SLC39A10: variants seen among roughly 807,000 people sequenced by gnomAD.
SLC39A10 encodes the protein solute carrier family 39 member 10, also known as zinc transporter ZIP10.
SLC39A10 carries 13 observed loss-of-function variants against 65.1 expected under a neutral mutation model. The ratio of observed to expected loss-of-function variants is 0.20; its 90% confidence interval spans 0.13 to 0.32. The LOEUF (loss-of-function observed/expected upper bound fraction) is 0.32, where lower values mean the gene tolerates loss of function less well. Among genes scored for constraint, SLC39A10 ranks in the 10% least tolerant of loss-of-function variants. The pLI, the probability that SLC39A10 is intolerant of heterozygous loss-of-function variation, is 1.00. For missense variants in SLC39A10, 831 were observed against 1,018.4 expected (o/e 0.82, Z 2.50); for synonymous variants, 321 against 342.2 (o/e 0.94, Z 0.68).
chr2:195,641,957 G>T (rs999737725), intron 2 of SLC39A10, among the ~76,000 whole-genome samples: 1 of 152,202 alleles, frequency 6.6e-6, no homozygotes, highest in Non-Finnish European at 1.5e-5. Flanking sequence ...CTCCCAAAGT[G>T]CTGGGATTAC....
At chr2:195,686,712 A>G (rs186819828) in intron 3 of SLC39A10, among the ~76,000 whole-genome samples, 74 of 152,336 alleles carry the variant, frequency 4.9e-4, no homozygotes, top group African/African-American at 4.8e-5. Context: ...AAGTCAGGTA[A>G]CTTGCCCAAG....
At chr2:195,666,817 A>G (rs1308168052) in intron 1 of SLC39A10, among the ~76,000 whole-genome samples, 4 of 152,236 alleles carry the variant, frequency 2.6e-5, no homozygotes, top group Non-Finnish European at 5.9e-5. Flanking sequence ...TAAACATTTT[A>G]GTAGCTTCAA....
intron 1 of SLC39A10, among the ~76,000 whole-genome samples, chr2:195,665,092 G>A (rs6727870): frequency 0.52 from 78,516 of 151,970 alleles, 20,980 homozygotes; most frequent in Non-Finnish European, 0.6. Flanking sequence ...GGGAGGCTGA[G>A]GGGGGCTGGA....
intron 3 of SLC39A10, among the ~76,000 whole-genome samples, chr2:195,685,465 TATG>T (rs1367556834): frequency 6.6e-6 from 1 of 152,164 alleles, no homozygotes; most frequent in Non-Finnish European, 1.5e-5. Context: ...CTTTCCGTAA[TATG>T]ATCCTCCCTG....
At chr2:195,726,459 C>T (rs1692243127) in intron 8 of SLC39A10, among the ~76,000 whole-genome samples, 1 of 151,864 alleles carries the variant, frequency 6.6e-6, no homozygotes, top group Non-Finnish European at 1.5e-5. Context: ...CTGAGAAAGA[C>T]TGGAGAAAAT....
intron 3 of SLC39A10, among the ~76,000 whole-genome samples, chr2:195,695,352 T>G (rs1274874423): frequency 6.6e-6 from 1 of 152,168 alleles, no homozygotes; most frequent in Non-Finnish European, 1.5e-5. Flanking sequence ...CTGCCTCTGC[T>G]GAGTCACACA....
intron 8 of SLC39A10, among the ~76,000 whole-genome samples, chr2:195,721,054 A>G (rs1476284820): frequency 6.6e-6 from 1 of 151,928 alleles, no homozygotes; most frequent in Non-Finnish European, 1.5e-5. Flanking sequence ...TGATCCTTCT[A>G]CCTCAGCCTC....
intron 2 of SLC39A10, among the ~76,000 whole-genome samples, chr2:195,647,508 T>C (rs1356560323): frequency 6.6e-6 from 1 of 151,874 alleles, no homozygotes; most frequent in Non-Finnish European, 1.5e-5. Flanking sequence ...TTCATCTGCT[T>C]GTTTGCTCTT....
At chr2:195,718,843 G>A (rs974215522) in intron 8 of SLC39A10, among the ~76,000 whole-genome samples, 1 of 151,946 alleles carries the variant, frequency 6.6e-6, no homozygotes, top group African/African-American at 2.4e-5. Context: ...TTCTTAACTC[G>A]GTTACTAACC....
chr2:195,633,786 A>G (rs1688642846), intron 2 of SLC39A10, among the ~76,000 whole-genome samples: 1 of 151,896 alleles, frequency 6.6e-6, no homozygotes, highest in African/African-American at 2.4e-5. Flanking sequence ...CTTCTCTCCA[A>G]CATTCAGCTG....
chr2:195,711,886 A>C (rs1308462657), intron 5 of SLC39A10, among the ~76,000 whole-genome samples: 1 of 151,472 alleles, frequency 6.6e-6, no homozygotes, highest in African/African-American at 2.4e-5. Flanking sequence ...CCCTTAACTC[A>C]TGGTTGCCGT....
Position 195,728,409 on chromosome 2 carries a change from G to A in SLC39A10, c.2337+60G>A. 6.8e-7 allele frequency: 1 copy of A among 1,477,236 alleles called. No individual in the cohort carries two copies. Among genetic ancestry groups the A allele is most frequent in the Non-Finnish European group, 9.2e-7 (1 of 1,085,834 alleles). The allele number at this position is 1,477,236 out of a possible 1,614,324, so 91.5% of individuals were successfully genotyped here. A position where few individuals can be genotyped will look rare whatever the true frequency, so the allele number is the denominator to read the frequency against. ...CTGCAAATGAAAGAAATCCTTGGAA[G>A]TGGTTTGAAGCCAAACTATTTTTGA... On this transcript the variant is annotated intron_variant, in intron 9 of 9. Coordinates refer to ENST00000359634, the MANE Select transcript of SLC39A10 (RefSeq NM_020342.3). This position sits in a 1 kb window ranked among gnomAD's most constrained non-coding sequence, Gnocchi z 4.4.
chr2:195,655,657 G>A (rs1483062571), upstream of SLC39A10, among the ~76,000 whole-genome samples: 1 of 152,154 alleles, frequency 6.6e-6, no homozygotes, highest in Non-Finnish European at 1.5e-5. Context: ...CTCACATTTA[G>A]TGGCAATGGT....
intron 2 of SLC39A10, among the ~76,000 whole-genome samples, chr2:195,619,114 A>AAAAGAGAG (rs1553490931): frequency 7.6e-5 from 10 of 131,974 alleles, no homozygotes; most frequent in African/African-American, 3.2e-4. Context: ...AAAAAAAAAA[A>AAAAGAGAG]AGAGAGAGAG....
intron 2 of SLC39A10, among the ~76,000 whole-genome samples, chr2:195,630,101 A>ATGTGTGTGTG (rs1181570098): frequency 4.9e-5 from 4 of 81,314 alleles, no homozygotes; most frequent in African/African-American, 2.5e-4. Flanking sequence ...AACTCATTTT[A>ATGTGTGTGTG]TATGTGTGTG....
At chr2:195,673,005 G>A (rs947122262) in intron 1 of SLC39A10, among the ~76,000 whole-genome samples, 3 of 152,126 alleles carry the variant, frequency 2.0e-5, no homozygotes, top group African/African-American at 4.8e-5. Flanking sequence ...TTGATACACC[G>A]TTTAAATGGT....
chr2:195,703,555 A>G (rs1164133259), intron 3 of SLC39A10, among the ~76,000 whole-genome samples: 1 of 152,184 alleles, frequency 6.6e-6, no homozygotes, highest in Non-Finnish European at 1.5e-5. Context: ...TATTTCCTCT[A>G]AAAGAAATAG....
chr2:195,716,565 C>CT (rs1315488363), intron 6 of SLC39A10, 72 bp from the exon 7 acceptor site: 5 of 583,974 alleles, frequency 8.6e-6, no homozygotes, highest in Non-Finnish European at 7.9e-6. Context: ...CATTGCACTG[C>CT]TATTCTGTTT....
At chr2:195,653,515 G>C (rs940932224), upstream of SLC39A10, among the ~76,000 whole-genome samples, 1 of 152,066 alleles carries the variant, frequency 6.6e-6, no homozygotes, top group Non-Finnish European at 1.5e-5. Context: ...AGCTGGTCTC[G>C]AACTCCTGAC....
Sources: gnomAD v4.1 joint callset for allele counts (sites outside exome capture counted in the v4.1 genomes callset) on GRCh38, gnomAD v4.1.1 for gene constraint, Gnocchi (gnomAD v3.1) non-coding constraint, MANE v1.5 for transcripts, NCBI Gene and HGNC (gene_info 2026-07-23, HGNC 2026-07-21) for gene names.